The following OR51B5 variants were observed in gnomAD, a reference collection of about 807,000 sequenced individuals.
OR51B5 encodes olfactory receptor 51B5.
For synonymous variants in OR51B5, 186 were observed against 144.8 expected (o/e 1.28, Z -2.04); for missense variants, 456 against 374.6 (o/e 1.22, Z -1.79).
chr11:5,354,812 A>T (rs2736563), intron 1 of OR51B5: 60,914 of 191,286 alleles, frequency 0.32, 11,098 homozygotes, highest in African/African-American at 0.36. Flanking sequence ...CAGTTTGAAG[A>T]ATATGTCCAG....
chr11:5,388,454 G>T (rs1175312646), intron 1 of OR51B5, among the ~76,000 whole-genome samples: 1 of 150,978 alleles, frequency 6.6e-6, no homozygotes, highest in Non-Finnish European at 1.5e-5. Flanking sequence ...TATATTAGTA[G>T]AAGTTAACTA....
chr11:5,360,949 A>C (rs565529041), intron 1 of OR51B5, among the ~76,000 whole-genome samples: 1 of 149,428 alleles, frequency 6.7e-6, no homozygotes, highest in Admixed American at 6.7e-5. Context: ...ATGAGAACAC[A>C]TGGACACAGG....
intron 1 of OR51B5, among the ~76,000 whole-genome samples, chr11:5,348,638 AG>A (rs1393685551): frequency 2.0e-5 from 3 of 152,114 alleles, no homozygotes; most frequent in Non-Finnish European, 4.4e-5. Flanking sequence ...ATTGTGTAAC[AG>A]GCATCCACTA....
At chr11:5,426,789 G>C (rs186065522) in intron 1 of OR51B5, among the ~76,000 whole-genome samples, 4 of 152,144 alleles carry the variant, frequency 2.6e-5, no homozygotes, top group Admixed American at 2.6e-4. Flanking sequence ...TCCCTCATCT[G>C]ATTACAGAAA....
chr11:5,428,718 T>G (rs903074961), intron 1 of OR51B5, among the ~76,000 whole-genome samples: 1 of 152,234 alleles, frequency 6.6e-6, no homozygotes, highest in African/African-American at 2.4e-5. Flanking sequence ...CTTCACTCAT[T>G]TCTGGGCATA....
At chr11:5,419,996 C>G (rs887348350) in intron 1 of OR51B5, among the ~76,000 whole-genome samples, 6 of 143,456 alleles carry the variant, frequency 4.2e-5, no homozygotes, top group Non-Finnish European at 1.6e-5. Flanking sequence ...GAAACATAAG[C>G]TCTAATTATA....
At chr11:5,356,889 G>C (rs1849202503) in intron 1 of OR51B5, among the ~76,000 whole-genome samples, 1 of 147,478 alleles carries the variant, frequency 6.8e-6, no homozygotes, top group Non-Finnish European at 1.5e-5. Flanking sequence ...CTTCATAAGT[G>C]AAGGAGAAAT....
intron 1 of OR51B5, chr11:5,505,276 T>C: frequency 7.7e-7 from 1 of 1,290,882 alleles, no homozygotes; most frequent in Non-Finnish European, 1.0e-6. Context: ...CTCAGACCTA[T>C]CTGGACTTCC....
intron 1 of OR51B5, among the ~76,000 whole-genome samples, chr11:5,477,797 T>C (rs1428515391): frequency 6.6e-6 from 1 of 152,150 alleles, no homozygotes; most frequent in Non-Finnish European, 1.5e-5. Context: ...TATTGCGCTT[T>C]TCGGACTGGC....
chr11:5,369,412 C>G (rs976896788), intron 1 of OR51B5, among the ~76,000 whole-genome samples: 1 of 152,060 alleles, frequency 6.6e-6, no homozygotes, highest in East Asian at 1.9e-4. Flanking sequence ...AGAATTACAT[C>G]TATTATACCT....
chr11:5,480,525 A>T (rs1206401176), intron 1 of OR51B5, among the ~76,000 whole-genome samples: 1 of 150,712 alleles, frequency 6.6e-6, no homozygotes, highest in Non-Finnish European at 1.5e-5. Context: ...AACTGAAGGA[A>T]ATAGAGACAC....
chr11:5,413,624 G>C (rs565287615), intron 1 of OR51B5, among the ~76,000 whole-genome samples: 1 of 152,182 alleles, frequency 6.6e-6, no homozygotes, highest in East Asian at 1.9e-4. Context: ...GCTCGAGAAC[G>C]ATGTGAAGAA....
chr11:5,454,385 C>T (rs76300102), intron 1 of OR51B5: 34,790 of 1,611,204 alleles, frequency 0.022, 672 homozygotes, highest in South Asian at 0.08. Flanking sequence ...CAAAGGAAAT[C>T]CGCCGAGCCA....
chr11:5,365,583 T>A (rs1849351750), intron 1 of OR51B5, among the ~76,000 whole-genome samples: 2 of 152,190 alleles, frequency 1.3e-5, no homozygotes, highest in Non-Finnish European at 2.9e-5. Context: ...ATTATCGAGA[T>A]GCACATGACA....
intron 1 of OR51B5, chr11:5,489,310 G>GGGCT (rs36066208): frequency 0.14 from 233,890 of 1,613,832 alleles, 18,108 homozygotes; most frequent in Admixed American, 0.21. Flanking sequence ...TATTGTCTAT[G>GGGCT]GGCTAACTGT....
At chr11:5,485,075 A>T (rs957277043) in intron 1 of OR51B5, among the ~76,000 whole-genome samples, 17 of 152,048 alleles carry the variant, frequency 1.1e-4, no homozygotes, top group African/African-American at 3.9e-4. Context: ...CCTAACTATG[A>T]TTTCAAAAGA....
At chr11:5,460,653 C>G (rs1851036508) in intron 1 of OR51B5, among the ~76,000 whole-genome samples, 1 of 152,182 alleles carries the variant, frequency 6.6e-6, no homozygotes, top group Admixed American at 6.5e-5. Flanking sequence ...AGACGACACT[C>G]TGGCCTTTAG....
intron 1 of OR51B5, among the ~76,000 whole-genome samples, chr11:5,369,149 A>AT (rs202187861): frequency 0.055 from 8,360 of 152,270 alleles, 2 homozygotes; most frequent in South Asian, 0.09. Context: ...GAAAGGATGA[A>AT]GTCTTTAAAA....
At chr11:5,427,968 A>G (rs1850473992) in intron 1 of OR51B5, among the ~76,000 whole-genome samples, 1 of 152,114 alleles carries the variant, frequency 6.6e-6, no homozygotes, top group Non-Finnish European at 1.5e-5. Flanking sequence ...CAGTTAGAGG[A>G]AAAAGGTACT....
Sources: gnomAD v4.1 joint callset for allele counts (sites outside exome capture counted in the v4.1 genomes callset) on GRCh38, gnomAD v4.1.1 for gene constraint, MANE v1.5 for transcripts, NCBI Gene and HGNC (gene_info 2026-07-23, HGNC 2026-07-21) for gene names.